The following TRIT1 variants were observed in gnomAD, a reference collection of about 807,000 sequenced individuals.
TRIT1 encodes the protein tRNA isopentenyltransferase 1, also known as tRNA dimethylallyltransferase.
A neutral mutation model predicts 51.2 loss-of-function variants in TRIT1; 43 were observed. That is an observed-to-expected ratio of 0.84 (90% confidence interval 0.66 to 1.08). The LOEUF is 1.08. Ranked by LOEUF, TRIT1 falls within the 50% of genes least tolerant of loss-of-function variation. The pLI, the probability that TRIT1 is intolerant of heterozygous loss-of-function variation, is 0.00. For synonymous variants in TRIT1, 184 were observed against 203.9 expected (o/e 0.90, Z 0.83); for missense variants, 528 against 578.4 (o/e 0.91, Z 0.89).
intron 10 of TRIT1, 81 bp from the exon 11 acceptor site, chr1:39,841,994 T>G (rs1641936300): frequency 1.4e-6 from 2 of 1,435,606 alleles, no homozygotes; most frequent in Admixed American, 4.5e-5. Flanking sequence ...CAAGTAAAAT[T>G]AACTATACAA....
chr1:39,864,241 G>A (rs550361110), intron 1 of TRIT1, among the ~76,000 whole-genome samples: 2 of 151,908 alleles, frequency 1.3e-5, no homozygotes, highest in Non-Finnish European at 2.9e-5. Flanking sequence ...AGCATTTAGA[G>A]GGTAGAGGCC....
chr1:39,844,693 C>T lies in TRIT1; in HGVS notation c.1007-53G>A, dbSNP rs1642127382. 5 of 1,304,474 alleles carry T rather than the reference C, an allele frequency of 3.8e-6. No homozygotes were observed. The African/African-American group carries it at 5.8e-5, about 15-fold the overall frequency. The allele number at this position is 1,304,474 out of a possible 1,614,324, so 80.8% of individuals were successfully genotyped here. On this transcript the variant is annotated intron_variant, in intron 8 of 10. Transcript: ENST00000316891. ...AGGTCAGCCTCAAACCCAATCTATTCTGCAGCCAGGACTCTGAAATCCTCC... is the reference window on the plus strand; with the variant it reads ...AGGTCAGCCTCAAACCCAATCTATTTTGCAGCCAGGACTCTGAAATCCTCC...
chr1:39,852,833 TC>T lies in TRIT1; in HGVS notation c.457del (p.Glu153SerfsTer14). 1 of 1,614,200 alleles carries T rather than the reference TC, an allele frequency of 6.2e-7. No homozygotes were observed. Among genetic ancestry groups the T allele is most frequent in the Non-Finnish European group, 8.5e-7 (1 of 1,180,030 alleles). On this transcript the variant is annotated frameshift_variant, in exon 4 of 11. Coordinates refer to ENST00000316891, the MANE Select transcript of TRIT1 (RefSeq NM_017646.6). LOFTEE classifies it high-confidence loss of function. ...GTEKVIDRKV[E>X]LEKEDGLVLH... ...TACAAGACCATCCTCCTTTTCAAGCTCCACTTTTCGGTCAATCACTTTCTCA... is the reference window on the plus strand; with the variant it reads ...TACAAGACCATCCTCCTTTTCAAGCTCACTTTTCGGTCAATCACTTTCTCA...
Position 39,857,336 on chromosome 1 carries a change from CA to C in TRIT1, c.255del (p.Phe85LeufsTer6). The C allele has an allele frequency of 6.2e-7, 1 of 1,614,094 alleles. No individual in the cohort carries two copies. Among genetic ancestry groups the C allele is most frequent in the Non-Finnish European group, 8.5e-7 (1 of 1,179,988 alleles). Reference protein sequence around the residue: ...QRICRHHMISFVDPLVTNYTV... With the variant: ...QRICRHHMISXVDPLVTNYTV... Reference sequence around the variant, plus strand: ...GTGTAATTGGTCACAAGAGGATCCACAAAGCTGATCATGTGGTGCCGGCAGA... The same window carrying C: ...GTGTAATTGGTCACAAGAGGATCCACAAGCTGATCATGTGGTGCCGGCAGA... On this transcript the variant is annotated frameshift_variant, in exon 2 of 11. Transcript: ENST00000316891. LOFTEE classifies it high-confidence loss of function.
At position 39,841,722 on chromosome 1, in the gene TRIT1, C is replaced by T. The variant is rs1641912882; in HGVS notation, c.*22G>A. 1 of 1,592,652 alleles carries T rather than the reference C, an allele frequency of 6.3e-7. No individual in the cohort carries two copies. Among genetic ancestry groups the T allele is most frequent in the African/African-American group, 1.4e-5 (1 of 73,864 alleles). ...CTGAACTGGATCCCCACCACCTTTC[C>T]AAAGGCCACTGGACATGTCTCTTAA... On this transcript the variant is annotated 3_prime_UTR_variant, in exon 11 of 11. Coordinates refer to ENST00000316891, the MANE Select transcript of TRIT1 (RefSeq NM_017646.6).
chr1:39,842,187 T>C (rs993532010), intron 10 of TRIT1, among the ~76,000 whole-genome samples: 10 of 152,190 alleles, frequency 6.6e-5, no homozygotes, highest in Non-Finnish European at 1.5e-4. Flanking sequence ...TGTAAGATGG[T>C]ACTATTCTGC....
At chr1:39,856,362 T>C (rs765570782) in intron 2 of TRIT1, among the ~76,000 whole-genome samples, 2 of 151,918 alleles carry the variant, frequency 1.3e-5, no homozygotes, top group Non-Finnish European at 2.9e-5. Flanking sequence ...TAAGCACCTG[T>C]AGTCCCAGAT....
chr1:39,877,496 TCTC>T (rs1172310896), intron 1 of TRIT1, among the ~76,000 whole-genome samples: 4 of 152,082 alleles, frequency 2.6e-5, no homozygotes, highest in African/African-American at 9.7e-5. Context: ...GGCTACTGCT[TCTC>T]CACAGGACTT....
At chr1:39,877,749 T>C (rs1231052063) in intron 1 of TRIT1, among the ~76,000 whole-genome samples, 1 of 152,218 alleles carries the variant, frequency 6.6e-6, no homozygotes, top group East Asian at 1.9e-4. Context: ...CGGTATCATC[T>C]TCCTGAAATA....
chr1:39,843,687 C>G (rs1642055677), intron 10 of TRIT1, among the ~76,000 whole-genome samples: 1 of 152,108 alleles, frequency 6.6e-6, no homozygotes, highest in African/African-American at 2.4e-5. Context: ...CTTCCTGCCC[C>G]CTCCCAGCTA....
chr1:39,856,435 G>A (rs1353321312), intron 2 of TRIT1, among the ~76,000 whole-genome samples: 1 of 148,578 alleles, frequency 6.7e-6, no homozygotes, highest in African/African-American at 2.5e-5. Flanking sequence ...AATGAGCCAT[G>A]ACGGTGCCAC....
intron 1 of TRIT1, among the ~76,000 whole-genome samples, chr1:39,861,648 G>A (rs1448242614): frequency 2.0e-5 from 3 of 152,138 alleles, no homozygotes; most frequent in Non-Finnish European, 4.4e-5. Flanking sequence ...GAAGTTGGCC[G>A]GGCGGTGGGT....
intron 4 of TRIT1, 121 bp downstream of exon 4, chr1:39,852,610 A>C: frequency 7.9e-7 from 1 of 1,267,940 alleles, no homozygotes; most frequent in Non-Finnish European, 1.1e-6. Flanking sequence ...CTGAGCTAGA[A>C]CAACACATCA....
chr1:39,877,654 A>C (rs1001598873), intron 1 of TRIT1, among the ~76,000 whole-genome samples: 1 of 152,200 alleles, frequency 6.6e-6, no homozygotes, highest in African/African-American at 2.4e-5. Flanking sequence ...TTCTCAGTAC[A>C]ATGTTTCATC....
At chr1:39,853,914 G>C in intron 3 of TRIT1, 56 bp downstream of exon 3, 1 of 1,219,592 alleles carries the variant, frequency 8.2e-7, no homozygotes, top group Non-Finnish European at 1.2e-6. Context: ...ACTGAAATTA[G>C]ACAGCAAGAA....
At chr1:39,857,243 C>T in intron 2 of TRIT1, 34 bp downstream of exon 2, 6 of 1,573,032 alleles carry the variant, frequency 3.8e-6, no homozygotes, top group Middle Eastern at 1.8e-4. Context: ...TGCTTTCACC[C>T]ACCAAACCCA....
In TRIT1 at chr1:39,854,088, T is replaced by A; in HGVS notation, c.316-20A>T. On this transcript the variant is annotated intron_variant, in intron 2 of 10. Coordinates refer to ENST00000316891, the MANE Select transcript of TRIT1 (RefSeq NM_017646.6). ...TTCAATGTGAACATTAAGAAAGATA[T>A]CACGATATCAAGAGAATCCTGACTC... 6.5e-7 allele frequency: 1 copy of A among 1,528,604 alleles called. No individual in the cohort carries two copies. The allele number at this position is 1,528,604 out of a possible 1,614,324, so 94.7% of individuals were successfully genotyped here. A position where few individuals can be genotyped will look rare whatever the true frequency, so the allele number is the denominator to read the frequency against.
intron 1 of TRIT1, among the ~76,000 whole-genome samples, chr1:39,860,977 T>C (rs1292424535): frequency 6.6e-6 from 1 of 152,160 alleles, no homozygotes; most frequent in Admixed American, 6.5e-5. Flanking sequence ...ACTCAGGGGC[T>C]GAGGCAGGAG....
intron 5 of TRIT1, among the ~76,000 whole-genome samples, chr1:39,849,603 A>C (rs1428800032): frequency 1.3e-5 from 2 of 152,236 alleles, no homozygotes; most frequent in Non-Finnish European, 2.9e-5. Context: ...AAGGAAAGGC[A>C]CTGTCTCTTC....
Sources: gnomAD v4.1 joint callset for allele counts (sites outside exome capture counted in the v4.1 genomes callset) on GRCh38, gnomAD v4.1.1 for gene constraint, MANE v1.5 for transcripts, NCBI Gene and HGNC (gene_info 2026-07-23, HGNC 2026-07-21) for gene names.